Variants in CCDC127 observed in about 807,000 individuals in gnomAD.
CCDC127 encodes coiled-coil domain-containing protein 127.
Under a neutral mutation model 4.1 loss-of-function variants are expected in CCDC127, and 2 were observed. The observed-to-expected ratio is 0.49, with a 90% CI of 0.20 to 1.53. The LOEUF is 1.53. Ranked by LOEUF, CCDC127 falls within the 40% of genes most tolerant of loss-of-function variation. The pLI, the probability that CCDC127 is intolerant of heterozygous loss-of-function variation, is 0.23. For missense variants in CCDC127, 271 were observed against 322.9 expected, an observed-to-expected ratio of 0.84 and a Z score of 1.23; for synonymous variants, 98 against 120.4, an observed-to-expected ratio of 0.81 and a Z score of 1.22.
In CCDC127 at chr5:196,992, A is replaced by G. The variant is rs531864594; in HGVS notation, c.*8305T>C. ...TCATTATTTCAGCAAAAAGGAATGTAGTAGGAGAGCAGGGTGATAATAAGG... is the reference window on the plus strand; with the variant it reads ...TCATTATTTCAGCAAAAAGGAATGTGGTAGGAGAGCAGGGTGATAATAAGG... On this transcript the variant is annotated 3_prime_UTR_variant, in exon 3 of 3. Transcript: ENST00000296824. 4 of 151,436 alleles carry G rather than the reference A, an allele frequency of 2.6e-5. No individual in the cohort carries two copies. The highest frequency in any genetic ancestry group is 4.9e-5 in the African/African-American group (2 of 40,978). The allele number at this position is 151,436 out of a possible 1,614,324, so 9.4% of individuals were successfully genotyped here.
At position 205,390 on chromosome 5, in the gene CCDC127, A is replaced by G; in HGVS notation, c.690T>C (p.Asn230=). 6.2e-7 allele frequency: 1 copy of G among 1,614,242 alleles called. No homozygotes were observed. Among genetic ancestry groups the G allele is most frequent in the Non-Finnish European group, 8.5e-7 (1 of 1,180,050 alleles). ...GDVWNTNKRQ[N]GRLMWLYLKY... The stretch of plus-strand genomic sequence containing the variant: ...TGAGATAGAGCCACATGAGTCTGCC[A>G]TTCTGGCGTTTGTTGGTGTTCCAGA... The change falls in exon 3 of 3, where the codon AAT becomes AAC. Residue 230 remains asparagine (N), a synonymous_variant. Coordinates refer to ENST00000296824, the MANE Select transcript of CCDC127 (RefSeq NM_145265.3).
In CCDC127 at chr5:204,990, T is replaced by C. The variant is rs1487192594; in HGVS notation, c.*307A>G. On this transcript the variant is annotated 3_prime_UTR_variant, in exon 3 of 3. Transcript: ENST00000296824. ...AGGACCAGTATTGTATTTGACTTTTTAAAAAACCATTTTTACCCTGGAGCT... is the reference window on the plus strand; with the variant it reads ...AGGACCAGTATTGTATTTGACTTTTCAAAAAACCATTTTTACCCTGGAGCT... 2.0e-5 allele frequency: 5 copies of C among 243,976 alleles called. No individual in the cohort carries two copies. The highest frequency in any genetic ancestry group is 2.3e-5 in the Non-Finnish European group (3 of 128,430). The allele number at this position is 243,976 out of a possible 1,614,324, so 15.1% of individuals were successfully genotyped here.
chr5:205,216 G>A lies in CCDC127; in HGVS notation c.*81C>T, dbSNP rs1734145167. Reference sequence around the variant, plus strand: ...TGTGGCCATGACACGGGCAGCACGGGAACGGAAGACGCCGGAGACCCAGAA... The same window carrying A: ...TGTGGCCATGACACGGGCAGCACGGAAACGGAAGACGCCGGAGACCCAGAA... On this transcript the variant is annotated 3_prime_UTR_variant, in exon 3 of 3. Transcript: ENST00000296824. 1.1e-5 allele frequency: 15 copies of A among 1,318,712 alleles called. No homozygotes were observed. In the South Asian group the frequency reaches 1.7e-4, roughly 15 times the overall value. The allele number at this position is 1,318,712 out of a possible 1,614,324, so 81.7% of individuals were successfully genotyped here.
chr5:217,097 C>G (rs1380006262), intron 1 of CCDC127: 1 of 312,962 alleles, frequency 3.2e-6, no homozygotes, highest in Non-Finnish European at 5.9e-6. Context: ...CGCCACTGCA[C>G]TCCAGCCTGG....
rs1734125063 is a variant in CCDC127 at position 204,234 on chromosome 5, C to T, written c.*1063G>A. On this transcript the variant is annotated 3_prime_UTR_variant, in exon 3 of 3. Coordinates refer to ENST00000296824, the MANE Select transcript of CCDC127 (RefSeq NM_145265.3). ...ACACCCTCTCCCTTTGCTGATTCTG[C>T]TCTGTGCTGAGTCCAACCCTGTGCT... is the stretch of plus-strand genomic sequence containing the variant. 6.6e-6 allele frequency: 1 copy of T among 152,404 alleles called. No individual in the cohort carries two copies. Among genetic ancestry groups the T allele is most frequent in the Admixed American group, 6.5e-5 (1 of 15,292 alleles). The allele number at this position is 152,404 out of a possible 1,614,324, so 9.4% of individuals were successfully genotyped here. A position where few individuals can be genotyped will look rare whatever the true frequency, so the allele number is the denominator to read the frequency against.
In CCDC127 at chr5:205,429, T is replaced by A; in HGVS notation, c.651A>T (p.Thr217=). Residue 217 remains threonine, a synonymous_variant, in exon 3 of 3, where the codon ACA becomes ACT. Transcript: ENST00000296824. ...AGLTDIFQHD[T]YCGDVWNTNK... is the part of the protein sequence containing the mutation. ...TGGTGTTCCAGACATCACCACAGTATGTATCATGCTGAAATATGTCGGTGA... is the reference window on the plus strand; with the variant it reads ...TGGTGTTCCAGACATCACCACAGTAAGTATCATGCTGAAATATGTCGGTGA... 1 of 1,614,244 alleles carries A rather than the reference T, an allele frequency of 6.2e-7. No homozygotes were observed. The highest frequency in any genetic ancestry group is 8.5e-7 in the Non-Finnish European group (1 of 1,180,042).
rs1734036698 is a variant in CCDC127 at position 199,680 on chromosome 5, AC to A, written c.*5616del. ...GTGCTGTCAAGAGCAGGGCCCCAGC[AC>A]CCCTACCTCCCGAGGAGGCCCCAGC... On this transcript the variant is annotated 3_prime_UTR_variant, in exon 3 of 3. Coordinates refer to ENST00000296824, the MANE Select transcript of CCDC127 (RefSeq NM_145265.3). 1 of 151,538 alleles carries A rather than the reference AC, an allele frequency of 6.6e-6. No individual in the cohort carries two copies. The highest frequency in any genetic ancestry group is 1.5e-5 in the Non-Finnish European group (1 of 68,050). The allele number at this position is 151,538 out of a possible 1,614,324, so 9.4% of individuals were successfully genotyped here.
chr5:214,801 G>A lies in CCDC127; in HGVS notation c.121+1928C>T, dbSNP rs113008665. 2.6e-3 allele frequency: 395 copies of A among 152,296 alleles called. 1 individual carries two copies. Among genetic ancestry groups the A allele is most frequent in the African/African-American group, 8.7e-3 (363 of 41,514 alleles). 9.4% of individuals were successfully genotyped at this position (152,296 alleles called of 1,614,324 possible). A position where few individuals can be genotyped will look rare whatever the true frequency, so the allele number is the denominator to read the frequency against. On this transcript the variant is annotated intron_variant, in intron 2 of 2. Transcript: ENST00000296824. The stretch of plus-strand genomic sequence containing the variant: ...CCCCAGCACTTTGGGAGGCCGAGGC[G>A]GGCAGATCATGAGGTCAGGAGATCG...
intron 2 of CCDC127, among the ~76,000 whole-genome samples, chr5:213,313 C>G (rs822194): frequency 2.2e-3 from 108 of 48,306 alleles, no homozygotes; most frequent in East Asian, 5.3e-3. Context: ...ACACCCATCA[C>G]GATGGGGCAG....
At position 215,502 on chromosome 5, in the gene CCDC127, C is replaced by T. The variant is rs533414753; in HGVS notation, c.121+1227G>A. The T allele has an allele frequency of 4.6e-5, 7 of 152,300 alleles. No individual in the cohort carries two copies. In the East Asian group the frequency reaches 1.3e-3, roughly 29 times the overall value. 9.4% of individuals were successfully genotyped at this position (152,300 alleles called of 1,614,324 possible). On this transcript the variant is annotated intron_variant, in intron 2 of 2. Coordinates refer to ENST00000296824, the MANE Select transcript of CCDC127 (RefSeq NM_145265.3). ...GAGTAATTTTAAGCCTTCCAATCCA[C>T]TCACCCTAGCCACAGGCAACAGTAG... is the stretch of plus-strand genomic sequence containing the variant.
At position 200,876 on chromosome 5, in the gene CCDC127, G is replaced by T. The variant is rs542246843; in HGVS notation, c.*4421C>A. On this transcript the variant is annotated 3_prime_UTR_variant, in exon 3 of 3. Coordinates refer to ENST00000296824, the MANE Select transcript of CCDC127 (RefSeq NM_145265.3). ...GCTGCCCCCATCACAGCCAGCCAGC[G>T]TCTACACAGCAGGCTGCCCCCATCA... is the stretch of plus-strand genomic sequence containing the variant. The T allele has an allele frequency of 9.1e-5, 10 of 109,582 alleles. 1 individual carries two copies. The highest frequency in any genetic ancestry group is 3.5e-4 in the African/African-American group (10 of 28,910). 6.8% of individuals were successfully genotyped at this position (109,582 alleles called of 1,614,324 possible).
chr5:209,916 T>G (rs1734246634), intron 2 of CCDC127, among the ~76,000 whole-genome samples: 1 of 152,146 alleles, frequency 6.6e-6, no homozygotes, highest in Admixed American at 6.5e-5. Flanking sequence ...CAACACCTAT[T>G]CATGAAAAAC....
Position 213,741 on chromosome 5 carries a change from C to T in CCDC127, c.121+2988G>A, listed in dbSNP as rs150569688. Among the ~76,000 whole-genome samples the T allele has an allele frequency of 6.2e-3, 947 of 152,366 alleles. 12 individuals are homozygous for T. Among genetic ancestry groups the T allele is most frequent in the African/African-American group, 0.022 (930 of 41,584 alleles). On this transcript the variant is annotated intron_variant, in intron 2 of 2. Coordinates refer to ENST00000296824, the MANE Select transcript of CCDC127 (RefSeq NM_145265.3). ...GGAGAAACCGATCAGCTCTGCATTGCTGGTGAGAACCTAAAACGGTGCAGC... is the reference window on the plus strand; with the variant it reads ...GGAGAAACCGATCAGCTCTGCATTGTTGGTGAGAACCTAAAACGGTGCAGC...
chr5:213,724 C>G (rs112526809), intron 2 of CCDC127, among the ~76,000 whole-genome samples: 13 of 152,166 alleles, frequency 8.5e-5, no homozygotes, highest in Non-Finnish European at 1.9e-4. Context: ...GTGGAGAAAC[C>G]GATCAGCTCT....
At chr5:206,683 TA>T in intron 2 of CCDC127, among the ~76,000 whole-genome samples, 1 of 152,244 alleles carries the variant, frequency 6.6e-6, no homozygotes, top group Non-Finnish European at 1.5e-5. Context: ...GTTTCAACAA[TA>T]AAAAAAGACC....
Position 205,403 on chromosome 5 carries a change from T to C in CCDC127, c.677A>G (p.Asn226Ser). Reference sequence around the variant, plus strand: ...CATGAGTCTGCCATTCTGGCGTTTGTTGGTGTTCCAGACATCACCACAGTA... The same window carrying C: ...CATGAGTCTGCCATTCTGGCGTTTGCTGGTGTTCCAGACATCACCACAGTA... ...DTYCGDVWNT[N>S]KRQNGRLMWL... is the part of the protein sequence containing the mutation. Residue 226 changes from asparagine (N) to serine (S), a missense_variant, in exon 3 of 3, where the codon AAC becomes AGC. Physicochemically the swap from Asn to Ser is conservative, Grantham distance 46. This residue lies in a region of CCDC127 where 265 missense variants were observed against 270.9 expected (regional missense o/e 0.98). Coordinates refer to ENST00000296824, the MANE Select transcript of CCDC127 (RefSeq NM_145265.3). 1 of 1,614,246 alleles carries C rather than the reference T, an allele frequency of 6.2e-7. No homozygotes were observed. Among genetic ancestry groups the C allele is most frequent in the Non-Finnish European group, 8.5e-7 (1 of 1,180,042 alleles).
In CCDC127 at chr5:204,966, G is replaced by T; in HGVS notation, c.*331C>A. ...ACAGACAGAAAATTACTTGTGGTAA[G>T]GACCAGTATTGTATTTGACTTTTTA... On this transcript the variant is annotated 3_prime_UTR_variant, in exon 3 of 3. Transcript: ENST00000296824. The T allele has an allele frequency of 5.0e-6, 1 of 198,644 alleles. No homozygotes were observed. Among genetic ancestry groups the T allele is most frequent in the Non-Finnish European group, 1.0e-5 (1 of 99,362 alleles). 12.3% of individuals were successfully genotyped at this position (198,644 alleles called of 1,614,324 possible). A position where few individuals can be genotyped will look rare whatever the true frequency, so the allele number is the denominator to read the frequency against.
At position 198,759 on chromosome 5, in the gene CCDC127, AG is replaced by A. The variant is rs1734015568; in HGVS notation, c.*6537del. 6.6e-6 allele frequency: 1 copy of A among 152,266 alleles called. No homozygotes were observed. The highest frequency in any genetic ancestry group is 6.5e-5 in the Admixed American group (1 of 15,284). 9.4% of individuals were successfully genotyped at this position (152,266 alleles called of 1,614,324 possible). A position where few individuals can be genotyped will look rare whatever the true frequency, so the allele number is the denominator to read the frequency against. ...TGTCCTCGCCCAATCTTGTGACTCC[AG>A]TCCTGGGTCGCATGGCGTCTGTGGC... is the stretch of plus-strand genomic sequence containing the variant. On this transcript the variant is annotated 3_prime_UTR_variant, in exon 3 of 3. Coordinates refer to ENST00000296824, the MANE Select transcript of CCDC127 (RefSeq NM_145265.3).
chr5:212,124 T>C (rs1370027159), intron 2 of CCDC127, among the ~76,000 whole-genome samples: 9 of 30,584 alleles, frequency 2.9e-4, no homozygotes, highest in Admixed American at 2.9e-4. Flanking sequence ...GCAGCCACGA[T>C]GAGACAGCAC....
Sources: gnomAD v4.1 joint callset for allele counts (sites outside exome capture counted in the v4.1 genomes callset) on GRCh38, gnomAD v4.1.1 for gene constraint, gnomAD v4.1.1 regional missense constraint, MANE v1.5 for transcripts, NCBI Gene and HGNC (gene_info 2026-07-23, HGNC 2026-07-21) for gene names.